The following GAREM1 variants were observed in gnomAD, a reference collection of about 807,000 sequenced individuals.
GAREM1 encodes GRB2 associated regulator of MAPK1 subtype 1, also known as GRB2-associated and regulator of MAPK protein 1.
A neutral mutation model predicts 71.3 loss-of-function variants in GAREM1; 26 were observed. The observed-to-expected ratio is 0.36, with a 90% CI of 0.27 to 0.51. The LOEUF (loss-of-function observed/expected upper bound fraction) is 0.51, where lower values mean the gene tolerates loss of function less well. GAREM1 is among the 20% of genes least tolerant of loss of function. GAREM1 has a pLI of 0.95. For missense variants in GAREM1, 1,026 were observed against 1,103.1 expected, an observed-to-expected ratio of 0.93 and a Z score of 0.99; for synonymous variants, 440 against 433.2, an observed-to-expected ratio of 1.02 and a Z score of -0.20.
intron 1 of GAREM1, among the ~76,000 whole-genome samples, chr18:32,435,835 G>A (rs974656495): frequency 6.6e-6 from 1 of 152,142 alleles, no homozygotes; most frequent in Non-Finnish European, 1.5e-5. Flanking sequence ...GAGTGTGCCA[G>A]GCAGTTTTAA....
At chr18:32,355,503 A>C (rs1460140120) in intron 2 of GAREM1, among the ~76,000 whole-genome samples, 3 of 152,200 alleles carry the variant, frequency 2.0e-5, no homozygotes, top group African/African-American at 7.2e-5. Context: ...CTAATTTTAC[A>C]CTCATGTTTC....
intron 2 of GAREM1, among the ~76,000 whole-genome samples, chr18:32,383,379 G>A (rs2144644990): frequency 6.6e-6 from 1 of 152,350 alleles, no homozygotes; most frequent in Non-Finnish European, 1.5e-5. Context: ...AAAGGCAAGT[G>A]ATTCCAAGCC....
At chr18:32,315,125 GT>G (rs981364853) in intron 2 of GAREM1, among the ~76,000 whole-genome samples, 2 of 152,096 alleles carry the variant, frequency 1.3e-5, no homozygotes, top group Admixed American at 6.5e-5. Context: ...GAGGTAAGAG[GT>G]TACCTGAAAG....
chr18:32,303,415 T>A (rs2144504657), intron 3 of GAREM1, among the ~76,000 whole-genome samples: 1 of 152,340 alleles, frequency 6.6e-6, no homozygotes, highest in Non-Finnish European at 1.5e-5. Flanking sequence ...ATTATTTTGA[T>A]GGCAGGAAAT....
chr18:32,284,195 A>G (rs538757046), intron 4 of GAREM1, among the ~76,000 whole-genome samples: 9 of 152,230 alleles, frequency 5.9e-5, no homozygotes, highest in Non-Finnish European at 1.2e-4. Flanking sequence ...CACAGAACCA[A>G]TAAAAAATAT....
At chr18:32,436,026 T>C (rs1174260391) in intron 1 of GAREM1, among the ~76,000 whole-genome samples, 1 of 152,140 alleles carries the variant, frequency 6.6e-6, no homozygotes, top group Non-Finnish European at 1.5e-5. Flanking sequence ...TGATGAAAAC[T>C]GAGAGTAATT....
At chr18:32,350,556 A>G (rs1474490329) in intron 2 of GAREM1, among the ~76,000 whole-genome samples, 1 of 151,914 alleles carries the variant, frequency 6.6e-6, no homozygotes, top group Non-Finnish European at 1.5e-5. Context: ...ATTTCTGACT[A>G]TATATGTGAT....
intron 5 of GAREM1, among the ~76,000 whole-genome samples, chr18:32,269,426 C>CT (rs1456870105): frequency 6.6e-6 from 1 of 152,154 alleles, no homozygotes; most frequent in Admixed American, 6.5e-5. Flanking sequence ...CAACATGAAA[C>CT]TAGAGTGTGC....
chr18:32,368,969 A>T (rs1476938196), intron 2 of GAREM1, among the ~76,000 whole-genome samples: 2 of 152,250 alleles, frequency 1.3e-5, no homozygotes, highest in Non-Finnish European at 2.9e-5. Context: ...TTAGAAGGTG[A>T]ACAATTAGTC....
chr18:32,275,751 T>A (rs1247772687), intron 4 of GAREM1, among the ~76,000 whole-genome samples: 1 of 152,202 alleles, frequency 6.6e-6, no homozygotes, highest in Non-Finnish European at 1.5e-5. Flanking sequence ...CGATCTCAGC[T>A]CACCGCAACC....
intron 3 of GAREM1, among the ~76,000 whole-genome samples, chr18:32,288,781 C>T (rs1398442241): frequency 6.6e-6 from 1 of 152,066 alleles, no homozygotes; most frequent in African/African-American, 2.4e-5. Flanking sequence ...ATCCATCTAT[C>T]TCAGAGATAC....
intron 2 of GAREM1, among the ~76,000 whole-genome samples, chr18:32,361,075 C>CT (rs1442909398): frequency 8.5e-5 from 13 of 152,142 alleles, no homozygotes; most frequent in Non-Finnish European, 5.9e-5. Flanking sequence ...GCCATGCAAC[C>CT]ACATGAAAAC....
At chr18:32,347,229 G>A (rs895854481) in intron 2 of GAREM1, among the ~76,000 whole-genome samples, 2 of 152,194 alleles carry the variant, frequency 1.3e-5, no homozygotes, top group African/African-American at 4.8e-5. Context: ...GGCCTGGCAT[G>A]GCGCTCATGT....
At chr18:32,455,263 C>G (rs2048876548) in intron 1 of GAREM1, among the ~76,000 whole-genome samples, 1 of 151,770 alleles carries the variant, frequency 6.6e-6, no homozygotes, top group Admixed American at 6.6e-5. Flanking sequence ...TAAGAGGAAT[C>G]AGGAATATAA....
At chr18:32,304,856 G>C (rs1241699790) in intron 3 of GAREM1, among the ~76,000 whole-genome samples, 3 of 152,050 alleles carry the variant, frequency 2.0e-5, no homozygotes, top group Non-Finnish European at 4.4e-5. Context: ...GTGGTGGCCT[G>C]CTTGAAGAAA....
chr18:32,313,068 T>C (rs907578238), intron 2 of GAREM1, among the ~76,000 whole-genome samples: 1 of 152,110 alleles, frequency 6.6e-6, no homozygotes, highest in Non-Finnish European at 1.5e-5. Context: ...AACCACAGAG[T>C]ACAGTTGTGT....
chr18:32,457,224 AGAGTGT>A (rs1222453949), intron 1 of GAREM1, among the ~76,000 whole-genome samples: 43 of 107,402 alleles, frequency 4.0e-4, no homozygotes, highest in Admixed American at 7.1e-4. Flanking sequence ...AGAGAGAGAG[AGAGTGT>A]GTGTGTGTGT....
chr18:32,351,741 A>C (rs2047755520), intron 2 of GAREM1, among the ~76,000 whole-genome samples: 1 of 151,960 alleles, frequency 6.6e-6, no homozygotes, highest in Admixed American at 6.6e-5. Context: ...ACACATCACT[A>C]AAACAATTAT....
At chr18:32,312,208 G>A (rs141398408) in intron 2 of GAREM1, among the ~76,000 whole-genome samples, 1 of 152,294 alleles carries the variant, frequency 6.6e-6, no homozygotes, top group African/African-American at 2.4e-5. Flanking sequence ...GGCAGTCATC[G>A]GCTAACAGAT....
Sources: gnomAD v4.1 joint callset for allele counts (sites outside exome capture counted in the v4.1 genomes callset) on GRCh38, gnomAD v4.1.1 for gene constraint, MANE v1.5 for transcripts, NCBI Gene and HGNC (gene_info 2026-07-23, HGNC 2026-07-21) for gene names.